The following USP9Y variants were observed in gnomAD, a reference collection of about 807,000 sequenced individuals.
USP9Y encodes ubiquitin carboxyl-terminal hydrolase 9Y.
Under a neutral mutation model 53.1 loss-of-function variants are expected in USP9Y, and 41 were observed. The observed-to-expected ratio is 0.77, with a 90% CI of 0.60 to 1.00. The LOEUF is 1.00. USP9Y is among the 50% of genes least tolerant of loss of function. The pLI is 0.00. For missense variants in USP9Y, 567 were observed against 535.8 expected, an observed-to-expected ratio of 1.06 and a Z score of -0.58; for synonymous variants, 220 against 173.7, an observed-to-expected ratio of 1.27 and a Z score of -2.09.
At chrY:12,715,603 C>T (rs2053429788) in intron 3 of USP9Y, among the ~76,000 whole-genome samples, 1 of 33,125 alleles carries the variant, frequency 3.0e-5, no homozygotes, top group Non-Finnish European at 7.4e-5. Flanking sequence ...TGAGCCACCA[C>T]GCCCAGCCTC....
intron 7 of USP9Y, among the ~76,000 whole-genome samples, chrY:12,727,713 TCACA>T (rs1477283909): frequency 6.5e-5 from 2 of 30,837 alleles, no homozygotes; most frequent in African/African-American, 1.2e-4. Context: ...GTGCGTGTGC[TCACA>T]CACACACACA....
chrY:12,850,399 C>T (rs2148293049), intron 42 of USP9Y, among the ~76,000 whole-genome samples: 1 of 31,356 alleles, frequency 3.2e-5, no homozygotes, highest in Admixed American at 2.9e-4. Context: ...AAACCAGCTC[C>T]TGGATTCATG....
chrY:12,735,906 T>G, intron 8 of USP9Y, 92 bp from the exon 9 acceptor site: 1 of 338,139 alleles, frequency 3.0e-6, no homozygotes, highest in South Asian at 3.4e-5. Context: ...GGACCTGTTT[T>G]TGTGTGGTCT....
chrY:12,832,052 A>G (rs2053551257), intron 33 of USP9Y, among the ~76,000 whole-genome samples: 1 of 33,627 alleles, frequency 3.0e-5, no homozygotes, highest in African/African-American at 1.2e-4. Context: ...GTACAAAAAC[A>G]CAAATTCTGT....
At chrY:12,807,469 T>C in intron 27 of USP9Y, among the ~76,000 whole-genome samples, 1 of 23,710 alleles carries the variant, frequency 4.2e-5, no homozygotes, top group Non-Finnish European at 9.4e-5. Flanking sequence ...GTTCAAGCGA[T>C]TCTCCTGCCT....
intron 27 of USP9Y, among the ~76,000 whole-genome samples, chrY:12,804,216 A>G (rs1603201233): frequency 1.5e-4 from 5 of 33,461 alleles, no homozygotes; most frequent in African/African-American, 3.5e-4. Context: ...TAACACTTTT[A>G]AAGTCACACT....
Position 12,776,878 on chromosome Y carries a change from C to G in USP9Y, c.2639+18C>G. 1 of 354,658 alleles carries G rather than the reference C, an allele frequency of 2.8e-6. No individual in the cohort carries two copies. Among genetic ancestry groups the G allele is most frequent in the Admixed American group, 7.6e-5 (1 of 13,134 alleles). The allele number at this position is 354,658 out of a possible 400,897, so 88.5% of individuals were successfully genotyped here. On this transcript the variant is annotated intron_variant, in intron 19 of 45. Coordinates refer to ENST00000338981, the MANE Select transcript of USP9Y (RefSeq NM_004654.4). ...ATGTCGAGGTTTGTGTGAAGTTGAT[C>G]TCTAGTGTTAATTTACAATTACTTA...
intron 15 of USP9Y, among the ~76,000 whole-genome samples, chrY:12,766,018 G>A (rs2053479731): frequency 3.0e-5 from 1 of 33,661 alleles, no homozygotes; most frequent in African/African-American, 1.2e-4. Context: ...ATTTGTCCAA[G>A]ATTCATATCA....
chrY:12,806,061 A>G (rs2148288469), intron 27 of USP9Y, among the ~76,000 whole-genome samples: 1 of 33,450 alleles, frequency 3.0e-5, no homozygotes, highest in East Asian at 7.7e-4. Context: ...TTTGATCCTC[A>G]TTATATACTT....
rs1488129592 is a variant in USP9Y at position 12,841,026 on chromosome Y, G to A, written c.6105G>A (p.Leu2035=). Residue 2035 remains leucine (L), a synonymous_variant, in exon 37 of 46, where the codon TTG becomes TTA. Transcript: ENST00000338981. The stretch of plus-strand genomic sequence containing the variant: ...TATTTAAAGGGCAGGATTATTTGTT[G>A]CCTGAAGCAGAAGAAATTACTATGA... The part of the protein sequence containing the change: ...LNPAPGQDYL[L]PEAEEITMIS... 1.0e-5 allele frequency: 4 copies of A among 393,927 alleles called. No individual in the cohort carries two copies. Among genetic ancestry groups the A allele is most frequent in the Non-Finnish European group, 7.1e-6 (2 of 279,875 alleles).
At chrY:12,782,741 G>A (rs2053499248) in intron 22 of USP9Y, among the ~76,000 whole-genome samples, 1 of 33,607 alleles carries the variant, frequency 3.0e-5, no homozygotes, top group Non-Finnish European at 7.4e-5. Context: ...TGGAAGCCAG[G>A]CATTAATCTC....
intron 3 of USP9Y, among the ~76,000 whole-genome samples, chrY:12,714,496 G>A (rs2053428769): frequency 3.2e-5 from 1 of 31,742 alleles, no homozygotes; most frequent in African/African-American, 1.2e-4. Flanking sequence ...GCTGGAGTGC[G>A]GTGGCGGGAT....
chrY:12,775,847 GT>G (rs2053492061), intron 18 of USP9Y, among the ~76,000 whole-genome samples: 2 of 31,014 alleles, frequency 6.4e-5, no homozygotes, highest in South Asian at 1.5e-3. Flanking sequence ...CTAGGCATTT[GT>G]TTTTTTTTGT....
intron 22 of USP9Y, among the ~76,000 whole-genome samples, 197 bp from the exon 23 acceptor site, chrY:12,786,006 C>T: frequency 6.3e-5 from 2 of 31,815 alleles, no homozygotes. Context: ...TTTGTGTTGG[C>T]AGTTAAGGAG....
chrY:12,804,335 A>G (rs984471057), intron 27 of USP9Y, among the ~76,000 whole-genome samples: 7 of 33,769 alleles, frequency 2.1e-4, no homozygotes, highest in Non-Finnish European at 2.9e-4. Flanking sequence ...ATGTCCAAAA[A>G]CATAAGCTGG....
chrY:12,855,809 A>C, intron 42 of USP9Y, among the ~76,000 whole-genome samples: 3 of 32,323 alleles, frequency 9.3e-5, no homozygotes, highest in Admixed American at 2.9e-4. Flanking sequence ...TGAACTGGAC[A>C]TGGTGGTGTG....
At chrY:12,829,836 C>G in intron 33 of USP9Y, among the ~76,000 whole-genome samples, 1 of 33,276 alleles carries the variant, frequency 3.0e-5, no homozygotes, top group Non-Finnish European at 7.5e-5. Context: ...AAAACCACAA[C>G]AGATACAACT....
At chrY:12,724,950 G>A in intron 5 of USP9Y, among the ~76,000 whole-genome samples, 163 bp from the exon 6 acceptor site, 1 of 33,044 alleles carries the variant, frequency 3.0e-5, no homozygotes. Flanking sequence ...GAAATCCCAT[G>A]TTTTTTCACC....
chrY:12,702,263 A>G, intron 1 of USP9Y, among the ~76,000 whole-genome samples: 1 of 34,002 alleles, frequency 2.9e-5, no homozygotes, highest in Admixed American at 2.7e-4. Flanking sequence ...TTACTTCATA[A>G]GAAAATAGCT....
Sources: gnomAD v4.1 joint callset for allele counts (sites outside exome capture counted in the v4.1 genomes callset) on GRCh38, gnomAD v4.1.1 for gene constraint, MANE v1.5 for transcripts, NCBI Gene and HGNC (gene_info 2026-07-23, HGNC 2026-07-21) for gene names.